SLC39A11: variants seen among roughly 807,000 people sequenced by gnomAD.
SLC39A11 encodes solute carrier family 39 member 11.
Under a neutral mutation model 36.1 loss-of-function variants are expected in SLC39A11, and 33 were observed. The ratio of observed to expected loss-of-function variants is 0.91; its 90% CI spans 0.69 to 1.22. The LOEUF is 1.22. Among genes scored for constraint, SLC39A11 ranks in the 50% most tolerant of loss-of-function variants. The pLI is 0.00. For missense variants in SLC39A11, 432 were observed against 430.3 expected (o/e 1.00, Z -0.03); for synonymous variants, 166 against 170.3 (o/e 0.97, Z 0.20).
At chr17:72,651,164 G>A (rs2069834417) in intron 7 of SLC39A11, among the ~76,000 whole-genome samples, 1 of 152,178 alleles carries the variant, frequency 6.6e-6, no homozygotes, top group African/African-American at 2.4e-5. Context: ...TAGCTCACAT[G>A]TGGTTCATAG....
chr17:72,965,367 C>G (rs757248592), intron 4 of SLC39A11, among the ~76,000 whole-genome samples: 1 of 152,066 alleles, frequency 6.6e-6, no homozygotes, highest in Non-Finnish European at 1.5e-5. Flanking sequence ...TGGTTTCTGG[C>G]GTTTCAAGCT....
chr17:72,897,068 A>AAAAAAC (rs1555620576), intron 5 of SLC39A11, among the ~76,000 whole-genome samples: 3 of 150,198 alleles, frequency 2.0e-5, no homozygotes, highest in African/African-American at 7.3e-5. Flanking sequence ...AAAAAAAAAA[A>AAAAAAC]AAACAAACAG....
At chr17:72,931,663 G>A (rs1023071432) in intron 5 of SLC39A11, among the ~76,000 whole-genome samples, 1 of 152,188 alleles carries the variant, frequency 6.6e-6, no homozygotes, top group African/African-American at 2.4e-5. Flanking sequence ...GGAACATGAC[G>A]AAAGTCTTAG....
At chr17:72,990,427 C>G (rs1490576641) in intron 4 of SLC39A11, among the ~76,000 whole-genome samples, 1 of 152,014 alleles carries the variant, frequency 6.6e-6, no homozygotes, top group Non-Finnish European at 1.5e-5. Context: ...TTTTTTCTCT[C>G]TCTTTTTCAA....
At chr17:72,688,024 G>T (rs1317336352) in intron 7 of SLC39A11, among the ~76,000 whole-genome samples, 1 of 152,172 alleles carries the variant, frequency 6.6e-6, no homozygotes, top group Non-Finnish European at 1.5e-5. Flanking sequence ...AATGACCCAA[G>T]CCGGGGACAA....
chr17:72,851,977 C>A (rs1052887732), intron 5 of SLC39A11, among the ~76,000 whole-genome samples: 1 of 151,786 alleles, frequency 6.6e-6, no homozygotes, highest in African/African-American at 2.4e-5. Context: ...CCGAGGCAGG[C>A]GGATCATGAG....
At chr17:73,092,200 G>A (rs2060946544) in intron 1 of SLC39A11, 1 of 152,200 alleles carries the variant, frequency 6.6e-6, no homozygotes, top group Non-Finnish European at 1.5e-5. Flanking sequence ...AGTTCCAGAG[G>A]TCCAGCTAAC....
intron 4 of SLC39A11, among the ~76,000 whole-genome samples, chr17:72,994,723 C>T (rs553490703): frequency 1.9e-4 from 29 of 152,244 alleles, no homozygotes; most frequent in African/African-American, 6.5e-4. Context: ...TGGCCTGACC[C>T]GCTTGATCTC....
chr17:73,011,358 G>A (rs879866282), intron 4 of SLC39A11, among the ~76,000 whole-genome samples: 3 of 152,188 alleles, frequency 2.0e-5, no homozygotes, highest in Non-Finnish European at 2.9e-5. Context: ...GGCCAGATCA[G>A]AAGGACTCTG....
intron 6 of SLC39A11, among the ~76,000 whole-genome samples, chr17:72,748,970 G>A (rs1051054869): frequency 2.5e-4 from 38 of 152,172 alleles, no homozygotes; most frequent in African/African-American, 8.0e-4. Flanking sequence ...TCTTTCTGCC[G>A]AGCTGAGCAC....
At chr17:72,834,714 C>T (rs549891903) in intron 6 of SLC39A11, among the ~76,000 whole-genome samples, 145 of 152,158 alleles carry the variant, frequency 9.5e-4, no homozygotes, top group East Asian at 2.7e-3. Flanking sequence ...GGGAGAAAGA[C>T]AACTGGAAGT....
At chr17:72,945,606 G>T (rs576292212) in intron 5 of SLC39A11, among the ~76,000 whole-genome samples, 3 of 152,274 alleles carry the variant, frequency 2.0e-5, no homozygotes, top group African/African-American at 7.2e-5. Flanking sequence ...GCTTCCCCAA[G>T]AGCTGCATTT....
intron 6 of SLC39A11, among the ~76,000 whole-genome samples, chr17:72,805,704 C>T (rs1263323281): frequency 6.6e-6 from 1 of 152,118 alleles, no homozygotes; most frequent in Non-Finnish European, 1.5e-5. Flanking sequence ...CAAACAGTGA[C>T]AGCCAGGAGA....
At chr17:72,850,122 C>A (rs2079237648) in intron 5 of SLC39A11, among the ~76,000 whole-genome samples, 1 of 152,160 alleles carries the variant, frequency 6.6e-6, no homozygotes, top group South Asian at 2.1e-4. Flanking sequence ...TGTGTTCTCT[C>A]ATTCACTCAG....
At chr17:72,724,260 G>A (rs1019289865) in intron 7 of SLC39A11, among the ~76,000 whole-genome samples, 17 of 152,132 alleles carry the variant, frequency 1.1e-4, no homozygotes, top group African/African-American at 4.1e-4. Context: ...GGCCCAAGAT[G>A]ATTCATTTCT....
At chr17:73,059,082 C>A (rs905021945) in intron 3 of SLC39A11, among the ~76,000 whole-genome samples, 4 of 152,096 alleles carry the variant, frequency 2.6e-5, no homozygotes, top group Non-Finnish European at 5.9e-5. Context: ...TATAAAATGT[C>A]TGAGTCATTT....
chr17:72,904,566 C>T (rs1323327730), intron 5 of SLC39A11, among the ~76,000 whole-genome samples: 2 of 152,142 alleles, frequency 1.3e-5, no homozygotes, highest in African/African-American at 2.4e-5. Flanking sequence ...GGGCTCGCCT[C>T]GCAGCAACAA....
intron 9 of SLC39A11, among the ~76,000 whole-genome samples, chr17:72,647,945 T>G (rs73999706): frequency 0.013 from 1,908 of 152,274 alleles, 43 homozygotes; most frequent in African/African-American, 0.043. Context: ...CGTTCTGTGG[T>G]CCATGTGTGA....
chr17:72,824,155 G>A (rs1276609976), intron 6 of SLC39A11, among the ~76,000 whole-genome samples: 3 of 151,142 alleles, frequency 2.0e-5, no homozygotes, highest in South Asian at 4.2e-4. Flanking sequence ...CCGGTGGGAG[G>A]TGACTGGATC....
Sources: allele counts gnomAD v4.1 joint callset (sites outside exome capture counted in the v4.1 genomes callset), GRCh38; gene constraint gnomAD v4.1.1; transcripts MANE v1.5; gene names NCBI Gene and HGNC (gene_info 2026-07-23, HGNC 2026-07-21).